The following SATB2 variants were observed in gnomAD, a reference collection of about 807,000 sequenced individuals.
The protein encoded by SATB2 is DNA-binding protein SATB2.
A neutral mutation model predicts 73.4 loss-of-function variants in SATB2; 1 was observed. That is an observed-to-expected ratio of 0.01 (90% CI 0.00 to 0.06). The LOEUF is 0.06. Ranked by LOEUF, SATB2 falls within the 10% of genes least tolerant of loss-of-function variation. SATB2 has a pLI of 1.00. For missense variants in SATB2, 459 were observed against 945.8 expected, an observed-to-expected ratio of 0.49 and a Z score of 6.75; for synonymous variants, 397 against 367.0, an observed-to-expected ratio of 1.08 and a Z score of -0.93.
At position 199,308,579 on chromosome 2, in the gene SATB2, CACACACACAT is replaced by C. The variant is rs905725200; in HGVS notation, c.1740+171_1740+180del. 2.5e-4 allele frequency among the ~76,000 whole-genome samples: 38 copies of C among 151,708 alleles called. No individual in the cohort carries two copies. Among genetic ancestry groups the C allele is most frequent in the Admixed American group, 1.0e-3 (16 of 15,246 alleles). ...ACACACACACGCACGCACATGCACA[CACACACACAT>C]ACACATACACACAGTACCCACTGTG... On this transcript the variant is annotated intron_variant, in intron 10 of 10. Transcript: ENST00000417098. This position sits in a 1 kb window ranked among gnomAD's most constrained non-coding sequence, Gnocchi z 4.6.
intron 6 of SATB2, among the ~76,000 whole-genome samples, chr2:199,352,917 A>G (rs553175367): frequency 5.8e-4 from 89 of 152,162 alleles, no homozygotes; most frequent in Non-Finnish European, 1.1e-3. Context: ...AGATCTGCCC[A>G]TAGGCTACCA....
rs939690244 is a variant in SATB2, at chr2:199,315,609, G to A, written c.1543-6652C>T. Among the ~76,000 whole-genome samples the A allele has an allele frequency of 2.0e-5, 3 of 152,130 alleles. No homozygotes were observed. In the East Asian group the frequency reaches 5.8e-4, roughly 29 times the overall value. On this transcript the variant is annotated intron_variant, in intron 9 of 10. Transcript: ENST00000417098. ...TTGGTTTTGACCCCAACTTCTCACA[G>A]CCCCCATGTTTTTTCCTTAAAAAAC...
chr2:199,404,989 T>C (rs1690588028), intron 3 of SATB2, among the ~76,000 whole-genome samples: 1 of 152,248 alleles, frequency 6.6e-6, no homozygotes, highest in African/African-American at 2.4e-5. Context: ...GAGGCTTTTC[T>C]GCAATGACTC....
chr2:199,360,096 C>T (rs1037797845), intron 6 of SATB2, among the ~76,000 whole-genome samples: 1 of 152,120 alleles, frequency 6.6e-6, no homozygotes, highest in Admixed American at 6.6e-5. Flanking sequence ...ACCTTGTAAT[C>T]GTCTAAGGAA....
chr2:199,283,357 T>C (rs899125638), intron 10 of SATB2, among the ~76,000 whole-genome samples: 11 of 151,358 alleles, frequency 7.3e-5, no homozygotes, highest in Non-Finnish European at 1.6e-4. Context: ...CCCAAAGTGC[T>C]GGGATTACAG....
At chr2:199,449,560 A>T (rs2105948854) in intron 2 of SATB2, among the ~76,000 whole-genome samples, 1 of 152,302 alleles carries the variant, frequency 6.6e-6, no homozygotes, top group East Asian at 1.9e-4. Flanking sequence ...AATAAAGAGC[A>T]ACGGAAAATA....
intron 10 of SATB2, among the ~76,000 whole-genome samples, chr2:199,286,997 G>A (rs1029803483): frequency 1.3e-5 from 2 of 152,146 alleles, no homozygotes; most frequent in South Asian, 2.1e-4. Flanking sequence ...GGTACCACAC[G>A]ATCCCAATGA....
intron 2 of SATB2, among the ~76,000 whole-genome samples, chr2:199,437,406 A>G: frequency 6.6e-6 from 1 of 152,262 alleles, no homozygotes; most frequent in East Asian, 1.9e-4. Flanking sequence ...TAGTGATGAT[A>G]CTGAAACTGT....
intron 10 of SATB2, among the ~76,000 whole-genome samples, chr2:199,277,153 A>T (rs1379452717): frequency 6.6e-6 from 1 of 152,198 alleles, no homozygotes; most frequent in Non-Finnish European, 1.5e-5. Context: ...GCATTGACAG[A>T]TCCCAGCATA....
At chr2:199,314,394 T>C (rs2105777227) in intron 9 of SATB2, among the ~76,000 whole-genome samples, 1 of 151,476 alleles carries the variant, frequency 6.6e-6, no homozygotes, top group Middle Eastern at 3.4e-3. Context: ...TTTGTCACTG[T>C]TCTAAGGTTT....
intron 2 of SATB2, among the ~76,000 whole-genome samples, chr2:199,434,376 T>A (rs1014636412): frequency 6.6e-6 from 1 of 152,206 alleles, no homozygotes; most frequent in African/African-American, 2.4e-5. Context: ...CACTGAAATA[T>A]TTCTCTGCTT....
At chr2:199,352,236 C>A (rs1208207536) in intron 6 of SATB2, among the ~76,000 whole-genome samples, 1 of 152,098 alleles carries the variant, frequency 6.6e-6, no homozygotes, top group Non-Finnish European at 1.5e-5. Flanking sequence ...ATTATTTGAC[C>A]AAACATTAAT....
At chr2:199,355,342 GTGTATC>G (rs796212067) in intron 6 of SATB2, among the ~76,000 whole-genome samples, 1 of 5,420 alleles carries the variant, frequency 1.8e-4, no homozygotes, top group African/African-American at 2.1e-4. Flanking sequence ...GTGTGTGTGT[GTGTATC>G]TATATATATA....
intron 6 of SATB2, 145 bp downstream of exon 6, chr2:199,368,460 A>T (rs1302382068): frequency 1.5e-6 from 1 of 645,998 alleles, no homozygotes; most frequent in Non-Finnish European, 2.8e-6. Flanking sequence ...GCCAACTAGG[A>T]TCTCATGACA....
chr2:199,401,338 G>C (rs187161725), intron 3 of SATB2, among the ~76,000 whole-genome samples: 1 of 152,026 alleles, frequency 6.6e-6, no homozygotes, highest in African/African-American at 2.4e-5. Flanking sequence ...ACGAGGTCAG[G>C]AATTCAAGAC....
At chr2:199,350,076 A>G (rs1211236780) in intron 6 of SATB2, among the ~76,000 whole-genome samples, 6 of 152,202 alleles carry the variant, frequency 3.9e-5, no homozygotes, top group African/African-American at 1.2e-4. Flanking sequence ...AGCAATCCCA[A>G]CATTATTAGT....
At chr2:199,432,749 G>A (rs1043535426) in intron 3 of SATB2, among the ~76,000 whole-genome samples, 2 of 151,870 alleles carry the variant, frequency 1.3e-5, no homozygotes, top group African/African-American at 4.8e-5. Flanking sequence ...AGCTCACAAC[G>A]GGCTCCCCAG....
At chr2:199,408,439 A>C (rs992928992) in intron 3 of SATB2, among the ~76,000 whole-genome samples, 7 of 152,320 alleles carry the variant, frequency 4.6e-5, no homozygotes, top group African/African-American at 1.7e-4. Context: ...ACATCTGCTA[A>C]AACAAACTAA....
intron 9 of SATB2, among the ~76,000 whole-genome samples, chr2:199,321,382 CA>C (rs1460337071): frequency 7.6e-5 from 10 of 131,036 alleles, no homozygotes; most frequent in African/African-American, 2.8e-4. Flanking sequence ...TATACATAGA[CA>C]TATATATGTC....
Sources: allele counts gnomAD v4.1 joint callset (sites outside exome capture counted in the v4.1 genomes callset), GRCh38; gene constraint gnomAD v4.1.1; non-coding constraint Gnocchi (gnomAD v3.1); transcripts MANE v1.5; gene names NCBI Gene and HGNC (gene_info 2026-07-23, HGNC 2026-07-21).